SLC38A9: variants seen among roughly 807,000 people sequenced by gnomAD.
SLC38A9 encodes the protein neutral amino acid transporter 9.
Under a neutral mutation model 62.3 loss-of-function variants are expected in SLC38A9, and 48 were observed. The ratio of observed to expected loss-of-function variants is 0.77; its 90% confidence interval spans 0.61 to 0.98. The LOEUF (loss-of-function observed/expected upper bound fraction) is 0.98. Ranked by LOEUF, SLC38A9 falls within the 50% of genes least tolerant of loss-of-function variation. SLC38A9 has a pLI of 0.00. For synonymous variants in SLC38A9, 204 were observed against 227.7 expected (o/e 0.90, Z 0.94); for missense variants, 541 against 679.8 (o/e 0.80, Z 2.27).
chr5:55,694,490 G>C (rs1218732593), intron 3 of SLC38A9, among the ~76,000 whole-genome samples: 1 of 25,240 alleles, frequency 4.0e-5, no homozygotes. Context: ...GGACAATTCT[G>C]TGTGTGTGTG....
At chr5:55,645,957 C>G in intron 11 of SLC38A9, 62 bp from the exon 12 acceptor site, 1 of 998,936 alleles carries the variant, frequency 1.0e-6, no homozygotes, top group South Asian at 1.4e-5. Context: ...TATTGGTAGC[C>G]AAAAGTTGAC....
chr5:55,657,890 A>C (rs1193132079), intron 8 of SLC38A9: 2 of 152,234 alleles, frequency 1.3e-5, no homozygotes, highest in African/African-American at 4.8e-5. Context: ...TTGGGTTTTT[A>C]TAATATCTCC....
chr5:55,706,696 C>T (rs963773411), intron 2 of SLC38A9, among the ~76,000 whole-genome samples: 1 of 152,080 alleles, frequency 6.6e-6, no homozygotes, highest in Admixed American at 6.5e-5. Context: ...TTATAATATT[C>T]AAGTAAATAT....
At chr5:55,638,088 A>G (rs1342323374) in intron 12 of SLC38A9, among the ~76,000 whole-genome samples, 1 of 152,244 alleles carries the variant, frequency 6.6e-6, no homozygotes, top group Middle Eastern at 3.2e-3. Flanking sequence ...TTTATTTCAC[A>G]GTACTCCAAC....
chr5:55,686,103 T>G (rs1753776465), intron 3 of SLC38A9, among the ~76,000 whole-genome samples: 1 of 152,230 alleles, frequency 6.6e-6, no homozygotes, highest in Non-Finnish European at 1.5e-5. Context: ...ACATGTATCT[T>G]TATAATATAA....
chr5:55,668,644 T>G (rs1334789999), intron 7 of SLC38A9, among the ~76,000 whole-genome samples: 1 of 152,240 alleles, frequency 6.6e-6, no homozygotes, highest in Non-Finnish European at 1.5e-5. Flanking sequence ...AAGTCTGGCC[T>G]GTTGATTCAT....
intron 8 of SLC38A9, chr5:55,657,889 T>C (rs1748738570): frequency 6.6e-6 from 1 of 152,252 alleles, no homozygotes; most frequent in South Asian, 2.1e-4. Context: ...TTTGGGTTTT[T>C]ATAATATCTC....
At chr5:55,658,611 TC>T (rs952625723) in intron 8 of SLC38A9, among the ~76,000 whole-genome samples, 2 of 152,186 alleles carry the variant, frequency 1.3e-5, no homozygotes, top group African/African-American at 2.4e-5. Flanking sequence ...GAAGGATTCT[TC>T]CTTAGAGCCT....
At chr5:55,648,372 C>G (rs772857116) in intron 11 of SLC38A9, among the ~76,000 whole-genome samples, 13 of 152,126 alleles carry the variant, frequency 8.5e-5, no homozygotes, top group Non-Finnish European at 1.5e-4. Flanking sequence ...GTGGAAAATA[C>G]ACTTTTTTAA....
intron 3 of SLC38A9, among the ~76,000 whole-genome samples, chr5:55,681,702 A>C (rs4493629): frequency 0.6 from 91,149 of 151,964 alleles, 27,924 homozygotes; most frequent in South Asian, 0.7. Context: ...ACAAGGCAAG[A>C]GGTATCCCTA....
chr5:55,654,933 G>C (rs1196968486), intron 9 of SLC38A9, among the ~76,000 whole-genome samples: 2 of 152,064 alleles, frequency 1.3e-5, no homozygotes, highest in Non-Finnish European at 2.9e-5. Context: ...AACCCCTCAG[G>C]CTCAAGTGAT....
chr5:55,673,400 G>A (rs2150365030), intron 3 of SLC38A9: 1 of 152,210 alleles, frequency 6.6e-6, no homozygotes, highest in East Asian at 1.9e-4. Context: ...AACCTCTTCA[G>A]TTCCTTTCTG....
chr5:55,709,342 C>T lies in SLC38A9; in HGVS notation c.-35+2110G>A, dbSNP rs186465006. Among the ~76,000 whole-genome samples, 650 of 151,424 alleles carry T rather than the reference C, an allele frequency of 4.3e-3. 3 individuals carry two copies. The highest frequency in any genetic ancestry group is 0.015 in the African/African-American group (613 of 41,388). On this transcript the variant is annotated intron_variant, in intron 2 of 15. Coordinates refer to ENST00000396865, the MANE Select transcript of SLC38A9 (RefSeq NM_173514.4). ...AAACGACAGAAATTTAAGTATGTTA[C>T]AAAATGCAGGCCTGGTAGACATTTT... is the stretch of plus-strand genomic sequence containing the variant.
At chr5:55,656,143 T>C (rs1458635147) in intron 9 of SLC38A9, among the ~76,000 whole-genome samples, 3 of 151,436 alleles carry the variant, frequency 2.0e-5, no homozygotes, top group African/African-American at 7.3e-5. Flanking sequence ...GTAGATAAAA[T>C]TGTGAATTGT....
intron 12 of SLC38A9, among the ~76,000 whole-genome samples, chr5:55,643,450 C>A (rs4371709): frequency 0.6 from 90,470 of 152,022 alleles, 27,591 homozygotes; most frequent in South Asian, 0.7. Context: ...TATGACCCAG[C>A]ATATGGTCTA....
At chr5:55,704,032 G>C (rs1243974190) in intron 2 of SLC38A9, 1 of 152,172 alleles carries the variant, frequency 6.6e-6, no homozygotes, top group Non-Finnish European at 1.5e-5. Flanking sequence ...GCCAGGCATG[G>C]TGGTGCTCAC....
intron 12 of SLC38A9, 66 bp downstream of exon 12, chr5:55,645,723 C>T: frequency 1.8e-6 from 2 of 1,108,006 alleles, no homozygotes; most frequent in Non-Finnish European, 2.6e-6. Flanking sequence ...TAAAGTGCCT[C>T]AAATACTGAC....
intron 8 of SLC38A9, among the ~76,000 whole-genome samples, chr5:55,660,405 A>C (rs1749320814): frequency 6.6e-6 from 1 of 152,070 alleles, no homozygotes; most frequent in African/African-American, 2.4e-5. Flanking sequence ...GAAAGAGTGA[A>C]ACTCTGTCTC....
chr5:55,658,520 G>A (rs1748887630), intron 8 of SLC38A9, among the ~76,000 whole-genome samples: 1 of 152,168 alleles, frequency 6.6e-6, no homozygotes, highest in Non-Finnish European at 1.5e-5. Flanking sequence ...TGAAGATGGA[G>A]GGAGAAACTG....
Sources: gnomAD v4.1 joint callset for allele counts (sites outside exome capture counted in the v4.1 genomes callset) on GRCh38, gnomAD v4.1.1 for gene constraint, MANE v1.5 for transcripts, NCBI Gene and HGNC (gene_info 2026-07-23, HGNC 2026-07-21) for gene names.